Variants in OR1J2 observed in about 807,000 individuals in gnomAD.
OR1J2 encodes the protein olfactory receptor 1J2.
For missense variants in OR1J2, 304 were observed against 246.1 expected (o/e 1.24, Z -1.57); for synonymous variants, 142 against 99.7 (o/e 1.42, Z -2.52).
chr9:122,541,654 T>C, the OR1J2 span, among the ~76,000 whole-genome samples: 1 of 152,188 alleles, frequency 6.6e-6, no homozygotes, highest in Non-Finnish European at 1.5e-5. Flanking sequence ...AGCCTCCACC[T>C]TAAATACAGA....
downstream of OR1J2, among the ~76,000 whole-genome samples, chr9:122,512,326 AG>A (rs946202349): frequency 1.3e-3 from 196 of 152,354 alleles, no homozygotes; most frequent in African/African-American, 4.4e-3. Context: ...CTCAAATGTT[AG>A]GGTACATGAG....
the OR1J2 span, among the ~76,000 whole-genome samples, chr9:122,456,388 C>A: frequency 6.6e-6 from 1 of 152,216 alleles, no homozygotes; most frequent in Admixed American, 6.5e-5. Flanking sequence ...ACCTAGCTAA[C>A]TATGGAAGGA....
the OR1J2 span, among the ~76,000 whole-genome samples, chr9:122,478,089 CT>C: frequency 6.6e-6 from 1 of 152,172 alleles, no homozygotes; most frequent in Admixed American, 6.5e-5. Context: ...TGCAAATGTG[CT>C]GAAAAAGAAA....
the OR1J2 span, among the ~76,000 whole-genome samples, chr9:122,552,002 C>T: frequency 2.1e-5 from 3 of 144,276 alleles, no homozygotes; most frequent in East Asian, 5.9e-4. Context: ...GATCCATAAT[C>T]TGACAGGTGA....
chr9:122,448,735 G>T, the OR1J2 span, among the ~76,000 whole-genome samples: 4 of 152,284 alleles, frequency 2.6e-5, no homozygotes, highest in South Asian at 8.3e-4. Flanking sequence ...ATCCTGCACA[G>T]CCCTAGATCC....
chr9:122,558,508 G>T, the OR1J2 span, among the ~76,000 whole-genome samples: 1 of 150,838 alleles, frequency 6.6e-6, no homozygotes, highest in East Asian at 1.9e-4. Context: ...CTGTCTATTT[G>T]ACTTCATACT....
the OR1J2 span, among the ~76,000 whole-genome samples, chr9:122,496,625 T>C: frequency 6.6e-6 from 1 of 151,994 alleles, no homozygotes; most frequent in Non-Finnish European, 1.5e-5. Flanking sequence ...CACAGTTTGG[T>C]TTTATACATT....
the OR1J2 span, among the ~76,000 whole-genome samples, chr9:122,452,830 A>T: frequency 6.6e-6 from 1 of 150,962 alleles, no homozygotes; most frequent in South Asian, 2.1e-4. Flanking sequence ...GGAGTTCAAG[A>T]CCAGCCTGAC....
the OR1J2 span, chr9:122,553,175 AG>A: frequency 6.3e-7 from 1 of 1,594,800 alleles, no homozygotes. Flanking sequence ...GACACATGGA[AG>A]GTTTTTATCT....
chr9:122,554,302 A>AT, the OR1J2 span: 3 of 650,634 alleles, frequency 4.6e-6, no homozygotes, highest in Non-Finnish European at 7.7e-6. Context: ...AAAAAAAAAA[A>AT]GAGTGTTTCA....
chr9:122,519,207 C>A, the OR1J2 span: 1 of 1,614,074 alleles, frequency 6.2e-7, no homozygotes, highest in Non-Finnish European at 8.5e-7. Context: ...CTGGCCAGAG[C>A]AGCAGGCTGT....
the OR1J2 span, among the ~76,000 whole-genome samples, chr9:122,487,444 TGGA>T: frequency 1.4e-5 from 2 of 138,212 alleles, no homozygotes; most frequent in South Asian, 2.4e-4. Flanking sequence ...TGCAAGATTT[TGGA>T]GGAGATGATT....
At chr9:122,562,529 C>T in the OR1J2 span, among the ~76,000 whole-genome samples, 1 of 152,256 alleles carries the variant, frequency 6.6e-6, no homozygotes, top group African/African-American at 2.4e-5. Flanking sequence ...CTGGGTAGCA[C>T]GCTCACTCAC....
At chr9:122,458,967 C>T in the OR1J2 span, among the ~76,000 whole-genome samples, 2 of 151,658 alleles carry the variant, frequency 1.3e-5, no homozygotes, top group Non-Finnish European at 2.9e-5. Flanking sequence ...ATTTATCTGT[C>T]TCTTTTCATC....
At chr9:122,482,655 A>G in the OR1J2 span, among the ~76,000 whole-genome samples, 3 of 152,234 alleles carry the variant, frequency 2.0e-5, no homozygotes, top group Non-Finnish European at 4.4e-5. Context: ...ATGTATATAT[A>G]CACAATGGAA....
At chr9:122,564,847 T>C in the OR1J2 span, among the ~76,000 whole-genome samples, 1 of 152,224 alleles carries the variant, frequency 6.6e-6, no homozygotes, top group African/African-American at 2.4e-5. Flanking sequence ...CTCAGGAGTA[T>C]ATCAATTCTG....
chr9:122,534,930 C>A, the OR1J2 span, among the ~76,000 whole-genome samples: 1 of 152,054 alleles, frequency 6.6e-6, no homozygotes, highest in Non-Finnish European at 1.5e-5. Context: ...TATTTGGAAC[C>A]ACTGTCGAGT....
the OR1J2 span, among the ~76,000 whole-genome samples, chr9:122,532,544 T>C: frequency 0.3 from 39,503 of 131,450 alleles, 7,429 homozygotes; most frequent in East Asian, 0.5. Context: ...CCAGGAACAA[T>C]GGTAATTGTG....
the OR1J2 span, among the ~76,000 whole-genome samples, chr9:122,448,032 G>A: frequency 2.6e-5 from 4 of 152,146 alleles, no homozygotes; most frequent in Non-Finnish European, 5.9e-5. Flanking sequence ...AGAAAGAACA[G>A]TGGGCCTAGG....
Sources: allele counts gnomAD v4.1 joint callset (sites outside exome capture counted in the v4.1 genomes callset), GRCh38; gene constraint gnomAD v4.1.1; transcripts MANE v1.5; gene names NCBI Gene and HGNC (gene_info 2026-07-23, HGNC 2026-07-21).